The following CDC42BPG variants were observed in gnomAD, a reference collection of about 807,000 sequenced individuals.
CDC42BPG encodes the protein serine/threonine-protein kinase MRCK gamma.
A neutral mutation model predicts 192.2 loss-of-function variants in CDC42BPG; 157 were observed. The observed-to-expected ratio is 0.82, with a 90% CI of 0.72 to 0.93. CDC42BPG has a LOEUF of 0.93. Among genes scored for constraint, CDC42BPG ranks in the 40% least tolerant of loss-of-function variants. The pLI, the probability that CDC42BPG is intolerant of heterozygous loss-of-function variation, is 0.00. For synonymous variants in CDC42BPG, 981 were observed against 918.5 expected (o/e 1.07, Z -1.23); for missense variants, 1,992 against 2,122.1 (o/e 0.94, Z 1.20).
rs768828280 is a variant in CDC42BPG, at chr11:64,832,888, G to A, written c.2803C>T (p.Arg935Cys). 37 of 1,556,372 alleles carry A rather than the reference G, an allele frequency of 2.4e-5. No individual in the cohort carries two copies. In the East Asian group the frequency reaches 2.4e-4, roughly 10 times the overall value. ...TCGGGGTGTACTCCCAGGGCTGTGCGGAGGAGGTCAGGGGGCACGGGGCAG... is the reference window on the plus strand; with the variant it reads ...TCGGGGTGTACTCCCAGGGCTGTGCAGAGGAGGTCAGGGGGCACGGGGCAG... ...PPCPVPPDLL[R>C]TALGVHPETG... is the part of the protein sequence containing the mutation. The change falls in exon 25 of 37, where the codon CGC (arginine) becomes TGC (cysteine). Residue 935 changes from arginine (R) to cysteine (C), a missense_variant. Physicochemically the swap from Arg to Cys is radical, Grantham distance 180. This residue lies in a region of CDC42BPG where 1,656 missense variants were observed against 1,844.3 expected (regional missense o/e 0.90). Coordinates refer to ENST00000342711, the MANE Select transcript of CDC42BPG (RefSeq NM_017525.3).
intron 13 of CDC42BPG, 41 bp downstream of exon 13, chr11:64,836,076 G>T: frequency 6.5e-7 from 1 of 1,543,860 alleles, no homozygotes. Context: ...CACACTGGGG[G>T]CAGGGCCCAG....
chr11:64,827,855 A>C lies in CDC42BPG; in HGVS notation c.3968-72T>G, dbSNP rs775451636. On this transcript the variant is annotated intron_variant, in intron 30 of 36. Coordinates refer to ENST00000342711, the MANE Select transcript of CDC42BPG (RefSeq NM_017525.3). ...CAGGGAACACCTTGTCCCCTGCCAC[A>C]GCACAGTAACTACCATGCCCCACGC... The C allele has an allele frequency of 5.5e-4, 725 of 1,328,846 alleles. 1 individual carries two copies. Among genetic ancestry groups the C allele is most frequent in the Non-Finnish European group, 7.0e-4 (676 of 965,982 alleles). The allele number at this position is 1,328,846 out of a possible 1,614,324, so 82.3% of individuals were successfully genotyped here. A position where few individuals can be genotyped will look rare whatever the true frequency, so the allele number is the denominator to read the frequency against.
intron 4 of CDC42BPG, 49 bp from the exon 5 acceptor site, chr11:64,840,317 C>A: frequency 6.3e-7 from 1 of 1,592,562 alleles, no homozygotes; most frequent in South Asian, 1.1e-5. Flanking sequence ...TGCACCTGGC[C>A]ACTTCACCGC....
chr11:64,826,932 T>A (rs1942450530), intron 34 of CDC42BPG, 118 bp downstream of exon 34: 1 of 1,164,524 alleles, frequency 8.6e-7, no homozygotes, highest in Non-Finnish European at 1.2e-6. Context: ...AGCAGAAGTG[T>A]GAGTCCCAGG....
chr11:64,834,246 A>C lies in CDC42BPG; in HGVS notation c.2413+20T>G. On this transcript the variant is annotated intron_variant, in intron 20 of 36. Coordinates refer to ENST00000342711, the MANE Select transcript of CDC42BPG (RefSeq NM_017525.3). ...CGCGGGGGAGCCTGGCTCCGGGGCA[A>C]GCAGTTGGCAGCCACTCACCCACTG... 3 of 1,552,450 alleles carry C rather than the reference A, an allele frequency of 1.9e-6. No individual in the cohort carries two copies. The highest frequency in any genetic ancestry group is 2.6e-6 in the Non-Finnish European group (3 of 1,154,536).
At position 64,841,718 on chromosome 11, in the gene CDC42BPG, G is replaced by C. The variant is rs1943290260; in HGVS notation, c.268C>G (p.Gln90Glu). 4 of 1,613,774 alleles carry C rather than the reference G, an allele frequency of 2.5e-6. No individual in the cohort carries two copies. In the East Asian group the frequency reaches 8.9e-5, roughly 36 times the overall value. ...GAFGEVTVVRQRDTGQIFAMK... is the reference protein window; with the variant it reads ...GAFGEVTVVRERDTGQIFAMK... ...GCAAAAATCTGCCCAGTGTCCCTCTGCCTCACCACGGTGACCTAAGGCCAC... is the reference window on the plus strand; with the variant it reads ...GCAAAAATCTGCCCAGTGTCCCTCTCCCTCACCACGGTGACCTAAGGCCAC... Residue 90 changes from glutamine to glutamate, a missense_variant, in exon 3 of 37, where the codon CAG becomes GAG. Around this residue, in one of 2 missense-constraint regions of CDC42BPG, gnomAD observed 1,656 missense variants for 1,844.3 expected, o/e 0.90. Transcript: ENST00000342711.
rs1260543216 is a variant in CDC42BPG, at chr11:64,832,441, G to A, written c.3074C>T (p.Pro1025Leu). ...CCAGGCACTCACCCTAAAGATGCGTGGCAGGTCCCTGGATTGGGCATGGAT... is the reference window on the plus strand; with the variant it reads ...CCAGGCACTCACCCTAAAGATGCGTAGCAGGTCCCTGGATTGGGCATGGAT... ...DVIHAQSRDL[P>L]RIFRVTTSQL... The change falls in exon 27 of 37, where the codon CCA (proline) becomes CTA (leucine). Residue 1025 changes from proline (P) to leucine (L), a missense_variant. By Grantham distance (98) the Pro-to-Leu change is moderately conservative. Transcript: ENST00000342711. 26 of 1,613,864 alleles carry A rather than the reference G, an allele frequency of 1.6e-5. No homozygotes were observed. Among genetic ancestry groups the A allele is most frequent in the Non-Finnish European group, 1.8e-5 (21 of 1,179,958 alleles).
rs1942502376 is a variant in CDC42BPG, at chr11:64,827,740, G to A, written c.4011C>T (p.Ile1337=). Residue 1337 remains isoleucine, a synonymous_variant, in exon 31 of 37, where the codon ATC becomes ATT. Transcript: ENST00000342711. ...PYLTVFSENS[I]DVFDVRRAEW... is the part of the protein sequence containing the mutation. ...CTGCCCTCCTCACGTCAAACACATC[G>A]ATGGAGTTCTCGCTGAACACTGTCA... 1 of 1,613,056 alleles carries A rather than the reference G, an allele frequency of 6.2e-7. No homozygotes were observed. The highest frequency in any genetic ancestry group is 8.5e-7 in the Non-Finnish European group (1 of 1,179,572).
At position 64,840,262 on chromosome 11, in the gene CDC42BPG, C is replaced by G. The variant is rs1274634785; in HGVS notation, c.439G>C (p.Val147Leu). The G allele has an allele frequency of 1.2e-6, 2 of 1,611,404 alleles. No individual in the cohort carries two copies. Among genetic ancestry groups the G allele is most frequent in the Admixed American group, 3.3e-5 (2 of 60,002 alleles). The change falls in exon 5 of 37, where the codon GTG becomes CTG. Residue 147 changes from valine to leucine, a missense_variant. Val to Leu is a conservative substitution (Grantham distance 32, BLOSUM62 1). This residue lies in a region of CDC42BPG where 1,656 missense variants were observed against 1,844.3 expected (regional missense o/e 0.90). Coordinates refer to ENST00000342711, the MANE Select transcript of CDC42BPG (RefSeq NM_017525.3). ...TCCCCACCAGCATAGTAGTCCATCACAAGGTACTGGAGGTGGCGGACAAGA... is the reference window on the plus strand; with the variant it reads ...TCCCCACCAGCATAGTAGTCCATCAGAAGGTACTGGAGGTGGCGGACAAGA... The part of the protein sequence containing the change: ...AFQDEEYLYL[V>L]MDYYAGGDLL...
chr11:64,827,472 C>G, intron 32 of CDC42BPG, 55 bp downstream of exon 32: 1 of 1,604,024 alleles, frequency 6.2e-7, no homozygotes, highest in Non-Finnish European at 8.5e-7. Flanking sequence ...CAGGGCCACA[C>G]AGCCACACGT....
At position 64,823,155 on chromosome 11, in the gene CDC42BPG, C is replaced by T. The variant is rs200962834; in HGVS notation, c.*1318G>A. Among the ~76,000 whole-genome samples, 5 of 149,872 alleles carry T rather than the reference C, an allele frequency of 3.3e-5. No homozygotes were observed. The highest frequency in any genetic ancestry group is 5.9e-5 in the Non-Finnish European group (4 of 67,638). On this transcript the variant is annotated 3_prime_UTR_variant, in exon 37 of 37. Transcript: ENST00000342711. The stretch of plus-strand genomic sequence containing the variant: ...AGGCTGGAGTGCAGTGGCGCGATCT[C>T]GGCTCACTGCAAGCTCCGCCTCCCG...
At chr11:64,830,131 T>A (rs1942617734) in intron 29 of CDC42BPG, 61 bp from the exon 30 acceptor site, 1 of 1,611,310 alleles carries the variant, frequency 6.2e-7, no homozygotes, top group Non-Finnish European at 8.5e-7. Flanking sequence ...CCCATCCCCA[T>A]CCTCCTCTGC....
intron 36 of CDC42BPG, among the ~76,000 whole-genome samples, chr11:64,825,025 T>C (rs564603194): frequency 2.0e-4 from 31 of 152,262 alleles, no homozygotes; most frequent in African/African-American, 7.2e-4. Flanking sequence ...CAAGTGATTC[T>C]CCTGCCTCGG....
Position 64,830,044 on chromosome 11 carries a change from G to T in CDC42BPG, c.3394C>A (p.Arg1132Ser), listed in dbSNP as rs1392382017. ...GGGCTCAAGGTCAGCTGCTGCACGC[G>T]CCGGCACTCCCCCACCTGGAAGATG... The part of the protein sequence containing the change: ...NDIFQVGECR[R>S]VQQLTLSPSA... The change falls in exon 30 of 37, where the codon CGC becomes AGC. Residue 1132 changes from arginine to serine, a missense_variant. Around this residue, in one of 2 missense-constraint regions of CDC42BPG, gnomAD observed 1,656 missense variants for 1,844.3 expected, o/e 0.90. Coordinates refer to ENST00000342711, the MANE Select transcript of CDC42BPG (RefSeq NM_017525.3). 1 of 1,612,490 alleles carries T rather than the reference G, an allele frequency of 6.2e-7. No homozygotes were observed. The highest frequency in any genetic ancestry group is 8.5e-7 in the Non-Finnish European group (1 of 1,179,372).
rs777752334 is a variant in CDC42BPG at position 64,827,320 on chromosome 11, A to C, written c.4229T>G (p.Phe1410Cys). The change falls in exon 33 of 37, where the codon TTC (phenylalanine) becomes TGC (cysteine). Residue 1410 changes from phenylalanine (F) to cysteine (C), a missense_variant. Transcript: ENST00000342711. The part of the protein sequence containing the change: ...QLFRTKSKRR[F>C]FFRVSEEQQK... ...CTGCTCCTCCGACACGCGGAAAAAG[A>C]AGCGGCGCTTGCTCTTGGTGCGGAA... The C allele has an allele frequency of 2.7e-5, 44 of 1,613,808 alleles. No homozygotes were observed. The highest frequency in any genetic ancestry group is 3.3e-4 in the Middle Eastern group (2 of 6,082).
Position 64,838,897 on chromosome 11 carries a change from G to A in CDC42BPG, c.882C>T (p.His294=), listed in dbSNP as rs765736718. ...CAGGCACGTCCGGGGGGAACTGCAG[G>A]TGGTCCTGTGGGTCGGGGGAGGGGG... ...TYGKIMNHED[H]LQFPPDVPDV... The change falls in exon 8 of 37, where the codon CAC becomes CAT. Residue 294 remains histidine (H), a synonymous_variant. Transcript: ENST00000342711. The A allele has an allele frequency of 1.3e-5, 21 of 1,608,042 alleles. No individual in the cohort carries two copies. Among genetic ancestry groups the A allele is most frequent in the South Asian group, 2.2e-5 (2 of 91,028 alleles).
rs1030113905 is a variant in CDC42BPG, at chr11:64,832,819, C to T, written c.2865+7G>A. The stretch of plus-strand genomic sequence containing the variant: ...GCCCATCTTCCCCTCCCTCGGCCCC[C>T]ACTCACCGACAGAAAGCCCTCATAG... On this transcript the variant is annotated splice_region_variant and intron_variant, in intron 25 of 36. Coordinates refer to ENST00000342711, the MANE Select transcript of CDC42BPG (RefSeq NM_017525.3). 2.5e-6 allele frequency: 4 copies of T among 1,587,006 alleles called. No individual in the cohort carries two copies. Among genetic ancestry groups the T allele is most frequent in the Middle Eastern group, 1.7e-4 (1 of 6,030 alleles).
intron 28 of CDC42BPG, chr11:64,830,574 C>T: frequency 2.2e-6 from 1 of 462,900 alleles, no homozygotes; most frequent in South Asian, 2.2e-5. Context: ...GGAAGTGATG[C>T]AGGGGAGGGT....
intron 4 of CDC42BPG, 65 bp from the exon 5 acceptor site, chr11:64,840,333 C>T (rs747892174): frequency 4.7e-5 from 74 of 1,576,318 alleles, no homozygotes; most frequent in Non-Finnish European, 5.8e-5. Context: ...ACCGCGGTCC[C>T]GCAGGGCTCT....
Sources: gnomAD v4.1 joint callset for allele counts (sites outside exome capture counted in the v4.1 genomes callset) on GRCh38, gnomAD v4.1.1 for gene constraint, gnomAD v4.1.1 regional missense constraint, MANE v1.5 for transcripts, NCBI Gene and HGNC (gene_info 2026-07-23, HGNC 2026-07-21) for gene names.